Variants in IFI44 observed in about 807,000 individuals in gnomAD.
IFI44 encodes the protein interferon-induced protein 44.
A neutral mutation model predicts 45.0 loss-of-function variants in IFI44; 42 were observed. The observed-to-expected ratio is 0.93, with a 90% CI of 0.73 to 1.21. The LOEUF is 1.21. Among genes scored for constraint, IFI44 ranks in the 50% most tolerant of loss-of-function variants. The pLI is 0.00. For missense variants in IFI44, 623 were observed against 525.8 expected (o/e 1.18, Z -1.81); for synonymous variants, 221 against 188.6 (o/e 1.17, Z -1.41).
chr1:78,655,319 A>G, intron 4 of IFI44, 43 bp from the exon 5 acceptor site: 1 of 1,563,540 alleles, frequency 6.4e-7, no homozygotes, highest in Non-Finnish European at 8.6e-7. Context: ...CTCAATTTAT[A>G]ATAAAAAATG....
At position 78,655,397 on chromosome 1, in the gene IFI44, C is replaced by G. The variant is rs140087977; in HGVS notation, c.726C>G (p.Gly242=). 2.7e-4 allele frequency: 436 copies of G among 1,613,516 alleles called. 1 individual carries two copies. The Middle Eastern group carries it at 5.0e-3, about 18-fold the overall frequency. Residue 242 remains glycine, a synonymous_variant, in exon 5 of 9, where the codon GGC becomes GGG. Coordinates refer to ENST00000370747, the MANE Select transcript of IFI44 (RefSeq NM_006417.5). ...ACTCTATTAGAGACGGGAAAGATGG[C>G]AAATACCTGCCGTTTATTCTGTGTG... The part of the protein sequence containing the change: ...RTYSIRDGKD[G]KYLPFILCDS...
chr1:78,661,181 G>A (rs957879064), intron 7 of IFI44, among the ~76,000 whole-genome samples: 1 of 152,066 alleles, frequency 6.6e-6, no homozygotes, highest in Non-Finnish European at 1.5e-5. Flanking sequence ...TCCTGCCTCT[G>A]TCTCTCAGCA....
At chr1:78,660,426 A>G in intron 6 of IFI44, 128 bp from the exon 7 acceptor site, 1 of 652,794 alleles carries the variant, frequency 1.5e-6, no homozygotes. Context: ...GATGAGGGTG[A>G]CCGGGGTGTG....
At chr1:78,655,935 G>C (rs1329720311) in intron 5 of IFI44, among the ~76,000 whole-genome samples, 1 of 152,154 alleles carries the variant, frequency 6.6e-6, no homozygotes, top group Non-Finnish European at 1.5e-5. Context: ...CAATGTGATG[G>C]TATTTGGAGG....
At chr1:78,663,119 T>C in intron 8 of IFI44, 1 of 985,358 alleles carries the variant, frequency 1.0e-6, no homozygotes, top group South Asian at 4.7e-5. Flanking sequence ...ATGAAAGTTT[T>C]AAAATAATCC....
chr1:78,662,593 A>G (rs1570406146), intron 7 of IFI44, 111 bp from the exon 8 acceptor site: 6 of 813,732 alleles, frequency 7.4e-6, no homozygotes, highest in African/African-American at 3.5e-5. Flanking sequence ...TTTTTTTCCA[A>G]TGGGAAATTA....
chr1:78,654,303 T>G (rs773377122), intron 3 of IFI44, 24 bp downstream of exon 3: 18 of 1,244,226 alleles, frequency 1.4e-5, no homozygotes. Context: ...TTTAAGATTC[T>G]ATTACTCTCT....
chr1:78,659,249 G>A (rs1377879588), intron 5 of IFI44, 63 bp from the exon 6 acceptor site: 27 of 1,335,150 alleles, frequency 2.0e-5, no homozygotes, highest in Non-Finnish European at 2.8e-5. Context: ...ACAGTGCCTG[G>A]TACATAGTTT....
chr1:78,655,084 A>ATTC lies in IFI44; in HGVS notation c.567_569dup (p.Leu192dup). On this transcript the variant is annotated inframe_insertion, in exon 4 of 9. Coordinates refer to ENST00000370747, the MANE Select transcript of IFI44 (RefSeq NM_006417.5). ...TGGATCCCTGGTTCAACAAATACGA[A>ATTC]TTCTGCTGCTGGGTCCAATTGGAGC... The ATTC allele has an allele frequency of 1.2e-6, 2 of 1,613,892 alleles. No individual in the cohort carries two copies. The highest frequency in any genetic ancestry group is 1.7e-6 in the Non-Finnish European group (2 of 1,179,868).
At position 78,655,013 on chromosome 1, in the gene IFI44, G is replaced by C. The variant is rs776912379; in HGVS notation, c.495-1G>C. On this transcript the variant is annotated splice_acceptor_variant, in intron 3 of 8. Coordinates refer to ENST00000370747, the MANE Select transcript of IFI44 (RefSeq NM_006417.5). LOFTEE classifies it high-confidence loss of function. ...TGTTAAAAACGGTCATGTCTAAACA[G>C]GCTCAGGAAGAGCTTACTGTCTGCC... is the stretch of plus-strand genomic sequence containing the variant. 4.4e-6 allele frequency: 7 copies of C among 1,608,424 alleles called. No homozygotes were observed. The highest frequency in any genetic ancestry group is 4.2e-6 in the Non-Finnish European group (5 of 1,177,090).
chr1:78,655,554 G>C (rs777924015), intron 5 of IFI44, 43 bp downstream of exon 5: 2 of 1,515,010 alleles, frequency 1.3e-6, no homozygotes, highest in Non-Finnish European at 1.8e-6. Flanking sequence ...TTTTTAAAAT[G>C]CTTATTTTTG....
chr1:78,654,100 G>C, intron 2 of IFI44, 143 bp from the exon 3 acceptor site: 1 of 641,580 alleles, frequency 1.6e-6, no homozygotes, highest in Non-Finnish European at 2.8e-6. Context: ...CTACAAAATT[G>C]CTCCCTTTTC....
intron 7 of IFI44, chr1:78,660,921 A>G: frequency 1.6e-5 from 7 of 435,448 alleles, no homozygotes; most frequent in South Asian, 1.6e-4. Flanking sequence ...ACCTATGCAC[A>G]TCCTTTGGTA....
intron 8 of IFI44, chr1:78,663,374 A>C: frequency 1.0e-6 from 1 of 985,270 alleles, no homozygotes. Context: ...AGGTAGAGGT[A>C]TGTCCTTTTA....
chr1:78,657,744 G>T (rs542410199), intron 5 of IFI44, among the ~76,000 whole-genome samples: 1 of 151,904 alleles, frequency 6.6e-6, no homozygotes, highest in African/African-American at 2.4e-5. Flanking sequence ...CATCTCCTTC[G>T]CCTTTGCCAA....
At chr1:78,661,395 A>T (rs1279730681) in intron 7 of IFI44, among the ~76,000 whole-genome samples, 2 of 151,884 alleles carry the variant, frequency 1.3e-5, no homozygotes, top group Non-Finnish European at 2.9e-5. Flanking sequence ...GCCTTAGTTG[A>T]ACTCACAGAT....
intron 1 of IFI44, 67 bp from the exon 2 acceptor site, chr1:78,650,119 A>C: frequency 8.3e-7 from 1 of 1,206,900 alleles, no homozygotes; most frequent in Middle Eastern, 2.7e-4. Context: ...GCATAAATGC[A>C]AATTTTATAA....
At chr1:78,661,369 T>G (rs903434213) in intron 7 of IFI44, among the ~76,000 whole-genome samples, 1 of 152,152 alleles carries the variant, frequency 6.6e-6, no homozygotes, top group Non-Finnish European at 1.5e-5. Flanking sequence ...AGCCATTTTT[T>G]TTCAATTTTT....
intron 5 of IFI44, among the ~76,000 whole-genome samples, chr1:78,656,811 T>A (rs1259312909): frequency 6.6e-6 from 1 of 151,054 alleles, no homozygotes; most frequent in Non-Finnish European, 1.5e-5. Flanking sequence ...TTTCTATTCA[T>A]GCAAGATTTT....
Sources: allele counts gnomAD v4.1 joint callset (sites outside exome capture counted in the v4.1 genomes callset), GRCh38; gene constraint gnomAD v4.1.1; transcripts MANE v1.5; gene names NCBI Gene and HGNC (gene_info 2026-07-23, HGNC 2026-07-21).